The following CTNND2 variants were observed in gnomAD, a reference collection of about 807,000 sequenced individuals.
The protein encoded by CTNND2 is catenin delta-2.
CTNND2 carries 22 observed loss-of-function variants against 144.4 expected under a neutral mutation model. The ratio of observed to expected loss-of-function variants is 0.15; its 90% confidence interval spans 0.11 to 0.22. The LOEUF is 0.22. CTNND2 is among the 10% of genes least tolerant of loss of function. CTNND2 has a pLI of 1.00. For missense variants in CTNND2, 1,353 were observed against 1,618.8 expected (o/e 0.84, Z 2.82); for synonymous variants, 751 against 695.6 (o/e 1.08, Z -1.25).
At chr5:11,586,394 C>G (rs1778864509) in intron 2 of CTNND2, among the ~76,000 whole-genome samples, 1 of 152,122 alleles carries the variant, frequency 6.6e-6, no homozygotes, top group South Asian at 2.1e-4. Context: ...ATATTTAGAA[C>G]AGAGGAATGA....
At chr5:11,295,427 A>G (rs992345194) in intron 9 of CTNND2, among the ~76,000 whole-genome samples, 5 of 152,186 alleles carry the variant, frequency 3.3e-5, no homozygotes, top group African/African-American at 1.2e-4. Flanking sequence ...TTATAGATTC[A>G]ATGCCATCCC....
chr5:11,558,381 T>TGTGTGTGA lies in CTNND2; in HGVS notation c.287+6562_287+6563insTCACACAC, dbSNP rs780585746. Among the ~76,000 whole-genome samples, 9 of 39,412 alleles carry TGTGTGTGA rather than the reference T, an allele frequency of 2.3e-4. No individual in the cohort carries two copies. The South Asian group carries it at 3.1e-3, about 14-fold the overall frequency. The allele number at this position is 39,412 out of a possible 152,430, so 25.9% of individuals were successfully genotyped here. On this transcript the variant is annotated intron_variant, in intron 3 of 21. Transcript: ENST00000304623. ...GTGTGTGTGTGTGTGTGTGTGTGTG[T>TGTGTGTGA]GACACACAAGGTCTCACTCTGTTGC...
At chr5:11,174,954 T>C (rs1760323562) in intron 11 of CTNND2, among the ~76,000 whole-genome samples, 1 of 152,236 alleles carries the variant, frequency 6.6e-6, no homozygotes, top group Non-Finnish European at 1.5e-5. Flanking sequence ...CTTTTCAAGA[T>C]ATTATTGAAT....
chr5:11,316,474 A>T (rs71582431), intron 9 of CTNND2, among the ~76,000 whole-genome samples: 12 of 39,596 alleles, frequency 3.0e-4, no homozygotes, highest in South Asian at 2.0e-3. Flanking sequence ...ATTTTTTATT[A>T]TTATTATTAT....
intron 1 of CTNND2, among the ~76,000 whole-genome samples, chr5:11,891,754 T>A (rs564642020): frequency 6.6e-6 from 1 of 152,232 alleles, no homozygotes; most frequent in Non-Finnish European, 1.5e-5. Flanking sequence ...AAATAAACGT[T>A]GTTTAAGCCA....
At chr5:11,527,356 C>T (rs892279763) in intron 3 of CTNND2, among the ~76,000 whole-genome samples, 3 of 152,170 alleles carry the variant, frequency 2.0e-5, no homozygotes, top group Non-Finnish European at 2.9e-5. Context: ...CCAGAAGCCT[C>T]GTCCTTCCCT....
At chr5:11,152,896 G>C (rs189862976) in intron 12 of CTNND2, among the ~76,000 whole-genome samples, 59 of 152,278 alleles carry the variant, frequency 3.9e-4, no homozygotes, top group Admixed American at 7.8e-4. Context: ...GGGGTGGAGT[G>C]GGGTGAGTGG....
chr5:11,347,540 T>C lies in CTNND2; in HGVS notation c.1373-913A>G, dbSNP rs61750703. Reference sequence around the variant, plus strand: ...ATATATTTGACATCTAAGGTTTGGTTGATAGATACAATGAAAATAGCATCT... The same window carrying C: ...ATATATTTGACATCTAAGGTTTGGTCGATAGATACAATGAAAATAGCATCT... On this transcript the variant is annotated intron_variant, in intron 8 of 21. Transcript: ENST00000304623. Among the ~76,000 whole-genome samples the C allele has an allele frequency of 1.2e-3, 190 of 152,366 alleles. 3 individuals carry two copies. In the East Asian group the frequency reaches 0.021, roughly 17 times the overall value.
intron 9 of CTNND2, among the ~76,000 whole-genome samples, chr5:11,322,641 T>C (rs1166471576): frequency 6.6e-6 from 1 of 152,206 alleles, no homozygotes; most frequent in Non-Finnish European, 1.5e-5. Flanking sequence ...TAAGCTTTTT[T>C]TCATTTTGAC....
At chr5:11,203,083 G>A (rs1346478739) in intron 10 of CTNND2, among the ~76,000 whole-genome samples, 1 of 152,136 alleles carries the variant, frequency 6.6e-6, no homozygotes, top group Non-Finnish European at 1.5e-5. Flanking sequence ...GGGATTACAG[G>A]CATGAGCCAC....
intron 2 of CTNND2, among the ~76,000 whole-genome samples, chr5:11,568,851 AG>A (rs1777333777): frequency 6.6e-6 from 1 of 152,232 alleles, no homozygotes; most frequent in Non-Finnish European, 1.5e-5. Context: ...GTTGCTAATA[AG>A]GGCAGGTGAG....
At chr5:11,668,324 G>T (rs1783685109) in intron 2 of CTNND2, among the ~76,000 whole-genome samples, 1 of 152,176 alleles carries the variant, frequency 6.6e-6, no homozygotes, top group Non-Finnish European at 1.5e-5. Flanking sequence ...GCTTGATGGG[G>T]ATAGCATTGA....
chr5:11,651,086 C>T (rs1782624897), intron 2 of CTNND2, among the ~76,000 whole-genome samples: 1 of 152,128 alleles, frequency 6.6e-6, no homozygotes, highest in Admixed American at 6.5e-5. Flanking sequence ...TTGCAGTAGC[C>T]CATCCCATTA....
intron 3 of CTNND2, among the ~76,000 whole-genome samples, chr5:11,508,037 A>G (rs1187427362): frequency 2.6e-5 from 4 of 151,536 alleles, no homozygotes; most frequent in East Asian, 1.9e-4. Flanking sequence ...CAGCAGTTAC[A>G]TGATTCACTA....
At chr5:11,223,322 T>C (rs1739988470) in intron 10 of CTNND2, among the ~76,000 whole-genome samples, 1 of 152,218 alleles carries the variant, frequency 6.6e-6, no homozygotes, top group African/African-American at 2.4e-5. Flanking sequence ...TGAATCCCTG[T>C]GTGATCTCCC....
At chr5:11,883,873 C>G (rs1031872970) in intron 1 of CTNND2, among the ~76,000 whole-genome samples, 1 of 152,222 alleles carries the variant, frequency 6.6e-6, no homozygotes, top group South Asian at 2.1e-4. Flanking sequence ...GATCGCCATG[C>G]TAACTGGCAT....
chr5:11,800,967 T>C (rs1791648258), intron 1 of CTNND2, among the ~76,000 whole-genome samples: 2 of 152,198 alleles, frequency 1.3e-5, no homozygotes, highest in African/African-American at 2.4e-5. Flanking sequence ...CATACAGAGT[T>C]TCACGACTGT....
chr5:11,891,533 C>T lies in CTNND2; in HGVS notation c.37+12284G>A, dbSNP rs114587464. The stretch of plus-strand genomic sequence containing the variant: ...TGATGGCATTTGGAAATGGGACCCC[C>T]GGAAGGTAATTAGTGTTAGATTAGG... On this transcript the variant is annotated intron_variant, in intron 1 of 21. Transcript: ENST00000304623. Among the ~76,000 whole-genome samples, 729 of 152,200 alleles carry T rather than the reference C, an allele frequency of 4.8e-3. 5 individuals carry two copies. Among genetic ancestry groups the T allele is most frequent in the African/African-American group, 0.017 (690 of 41,518 alleles).
chr5:11,004,489 C>T (rs1240403760), intron 18 of CTNND2, among the ~76,000 whole-genome samples: 1 of 152,262 alleles, frequency 6.6e-6, no homozygotes, highest in South Asian at 2.1e-4. Flanking sequence ...ACAGGCCGGG[C>T]GCAGTGGCTA....
Sources: gnomAD v4.1 joint callset for allele counts (sites outside exome capture counted in the v4.1 genomes callset) on GRCh38, gnomAD v4.1.1 for gene constraint, MANE v1.5 for transcripts, NCBI Gene and HGNC (gene_info 2026-07-23, HGNC 2026-07-21) for gene names.